Variants in PID1 observed in about 807,000 individuals in gnomAD.
PID1 encodes PTB-containing, cubilin and LRP1-interacting protein.
PID1 carries 10 observed loss-of-function variants against 19.1 expected under a neutral mutation model. That is an observed-to-expected ratio of 0.52 (90% CI 0.32 to 0.89). PID1 has a LOEUF of 0.89. Ranked by LOEUF, PID1 falls within the 40% of genes least tolerant of loss-of-function variation. PID1 has a pLI of 0.03. For synonymous variants in PID1, 130 were observed against 116.0 expected (o/e 1.12, Z -0.78); for missense variants, 248 against 285.3 (o/e 0.87, Z 0.94).
At chr2:229,160,246 G>A (rs749509858) in intron 1 of PID1, among the ~76,000 whole-genome samples, 39 of 152,126 alleles carry the variant, frequency 2.6e-4, no homozygotes, top group African/African-American at 7.5e-4. Flanking sequence ...ACCAAATGCC[G>A]CAACCATTGA....
At chr2:229,183,376 A>C (rs1690988727) in intron 1 of PID1, among the ~76,000 whole-genome samples, 2 of 152,206 alleles carry the variant, frequency 1.3e-5, no homozygotes, top group Non-Finnish European at 1.5e-5. Context: ...ATGATAGTTA[A>C]CTTAATGTGT....
intron 1 of PID1, among the ~76,000 whole-genome samples, chr2:229,161,931 A>T (rs1690500311): frequency 6.6e-6 from 1 of 152,250 alleles, no homozygotes; most frequent in Non-Finnish European, 1.5e-5. Context: ...CTTTGCATGC[A>T]CAGGCAAGTG....
chr2:229,240,069 C>T (rs1471163828), intron 1 of PID1, among the ~76,000 whole-genome samples: 2 of 152,060 alleles, frequency 1.3e-5, no homozygotes, highest in East Asian at 3.9e-4. Context: ...AGCCATTCAA[C>T]TCTGAAAGTG....
At chr2:229,210,475 C>T (rs1691704882) in intron 1 of PID1, among the ~76,000 whole-genome samples, 1 of 132,258 alleles carries the variant, frequency 7.6e-6, no homozygotes, top group South Asian at 2.5e-4. Context: ...TGAGATCGTG[C>T]CACTGCACTC....
chr2:229,196,335 A>T (rs1049077327), intron 1 of PID1, among the ~76,000 whole-genome samples: 4 of 152,128 alleles, frequency 2.6e-5, no homozygotes, highest in African/African-American at 9.7e-5. Flanking sequence ...AAAGATAATC[A>T]AAGAATCTAT....
chr2:229,232,431 CA>C (rs386392861), intron 1 of PID1, among the ~76,000 whole-genome samples: 853 of 41,258 alleles, frequency 0.021, 8 homozygotes, highest in African/African-American at 0.085. Flanking sequence ...GACTCCATCT[CA>C]AAAAAAAAAA....
chr2:229,143,165 G>A (rs1039395259), intron 2 of PID1, among the ~76,000 whole-genome samples: 1 of 145,294 alleles, frequency 6.9e-6, no homozygotes, highest in Non-Finnish European at 1.5e-5. Flanking sequence ...ATGGACACAG[G>A]AAGGGGAACA....
At chr2:229,195,568 C>A (rs1691361051) in intron 1 of PID1, among the ~76,000 whole-genome samples, 2 of 151,932 alleles carry the variant, frequency 1.3e-5, no homozygotes, top group South Asian at 4.1e-4. Flanking sequence ...GTGATAGATA[C>A]TGTACACAAT....
chr2:229,121,830 A>G (rs1272139284), intron 2 of PID1, among the ~76,000 whole-genome samples: 1 of 152,216 alleles, frequency 6.6e-6, no homozygotes, highest in Non-Finnish European at 1.5e-5. Flanking sequence ...GTCCTTTTCT[A>G]ATAAAGTTTA....
rs137901290 is a variant in PID1, at chr2:229,185,596, G to A, written c.31-29632C>T. 1.0e-2 allele frequency among the ~76,000 whole-genome samples: 1,518 copies of A among 152,290 alleles called. 11 individuals carry two copies. The highest frequency in any genetic ancestry group is 0.016 in the South Asian group (76 of 4,824). The stretch of plus-strand genomic sequence containing the variant: ...TACATGAATGGCAGCAGGCATTCAT[G>A]TAAAGAGAGCTTTGCATCCTGCAAA... On this transcript the variant is annotated intron_variant, in intron 1 of 2. Transcript: ENST00000392055.
At chr2:229,236,981 C>T (rs1027544548) in intron 1 of PID1, among the ~76,000 whole-genome samples, 2 of 95,106 alleles carry the variant, frequency 2.1e-5, no homozygotes, top group African/African-American at 6.0e-5. Context: ...CTCCTTTACA[C>T]ACACATACAC....
intron 1 of PID1, among the ~76,000 whole-genome samples, chr2:229,254,917 A>G (rs1310575953): frequency 6.6e-6 from 1 of 152,236 alleles, no homozygotes; most frequent in East Asian, 1.9e-4. Flanking sequence ...AGAAATAATA[A>G]GCTTCTGCAG....
intron 1 of PID1, among the ~76,000 whole-genome samples, chr2:229,234,982 CTTTAT>C (rs1692293031): frequency 6.6e-6 from 1 of 152,176 alleles, no homozygotes; most frequent in Non-Finnish European, 1.5e-5. Flanking sequence ...ATGCATCATG[CTTTAT>C]TTTGAGTACT....
chr2:229,178,424 T>C (rs1690870948), intron 1 of PID1, among the ~76,000 whole-genome samples: 1 of 152,198 alleles, frequency 6.6e-6, no homozygotes, highest in Non-Finnish European at 1.5e-5. Context: ...CAAAAAGGTG[T>C]ATATAGAAAT....
chr2:229,149,032 A>AATATATATATATATATATAT (rs71793691), intron 2 of PID1, among the ~76,000 whole-genome samples: 1 of 147,146 alleles, frequency 6.8e-6, no homozygotes, highest in South Asian at 2.1e-4. Flanking sequence ...GCTTGAATCT[A>AATATATATATATATATATAT]ATATATATAT....
chr2:229,214,970 C>T (rs1028114967), intron 1 of PID1, among the ~76,000 whole-genome samples: 1 of 152,018 alleles, frequency 6.6e-6, no homozygotes, highest in South Asian at 2.1e-4. Context: ...ACAGCATATC[C>T]CCCCTTTCTC....
intron 1 of PID1, among the ~76,000 whole-genome samples, chr2:229,163,050 A>C (rs139582625): frequency 6.6e-6 from 1 of 152,174 alleles, no homozygotes; most frequent in African/African-American, 2.4e-5. Flanking sequence ...ACTTAAAATG[A>C]CCTTTTATTT....
rs149512057 is a variant in PID1, at chr2:229,155,881, C to G, written c.114G>C (p.Pro38=). Residue 38 remains proline, a synonymous_variant, in exon 2 of 3, where the codon CCG becomes CCC. Transcript: ENST00000392055. ...EPLPAVIFHE[P]EAIELCTTTP... is the part of the protein sequence containing the mutation. Reference sequence around the variant, plus strand: ...TGGTCGTGCACAGCTCAATGGCCTCCGGCTCATGGAAGATGACCGCTGGGA... The same window carrying G: ...TGGTCGTGCACAGCTCAATGGCCTCGGGCTCATGGAAGATGACCGCTGGGA... The G allele has an allele frequency of 6.2e-7, 1 of 1,613,774 alleles. No homozygotes were observed. Among genetic ancestry groups the G allele is most frequent in the Non-Finnish European group, 8.5e-7 (1 of 1,179,970 alleles).
intron 2 of PID1, among the ~76,000 whole-genome samples, chr2:229,113,235 T>C (rs1041772786): frequency 5.9e-5 from 9 of 151,834 alleles, no homozygotes; most frequent in Non-Finnish European, 1.0e-4. Context: ...TTTGTTGGAG[T>C]AGATGTCAAG....
Sources: allele counts gnomAD v4.1 joint callset (sites outside exome capture counted in the v4.1 genomes callset), GRCh38; gene constraint gnomAD v4.1.1; transcripts MANE v1.5; gene names NCBI Gene and HGNC (gene_info 2026-07-23, HGNC 2026-07-21).